TMEM44: variants seen among roughly 807,000 people sequenced by gnomAD.
The protein encoded by TMEM44 is transmembrane protein 44.
In TMEM44, 43 loss-of-function variants were observed where a neutral mutation model predicts 47.8. The observed-to-expected ratio is 0.90, with a 90% CI of 0.70 to 1.16. The LOEUF (loss-of-function observed/expected upper bound fraction) is 1.16. TMEM44 is among the 50% of genes most tolerant of loss of function. The pLI, the probability that TMEM44 is intolerant of heterozygous loss-of-function variation, is 0.00. For synonymous variants in TMEM44, 277 were observed against 238.8 expected (o/e 1.16, Z -1.48); for missense variants, 568 against 555.2 (o/e 1.02, Z -0.23).
chr3:194,590,913 G>C (rs1003870510), intron 9 of TMEM44, among the ~76,000 whole-genome samples: 1 of 152,188 alleles, frequency 6.6e-6, no homozygotes, highest in Admixed American at 6.5e-5. Context: ...ACTAGTACAG[G>C]CCGGGCACGG....
chr3:194,617,242 G>A lies in TMEM44; in HGVS notation c.640C>T (p.His214Tyr), dbSNP rs1459828625. 6.5e-7 allele frequency: 1 copy of A among 1,546,548 alleles called. No individual in the cohort carries two copies. Among genetic ancestry groups the A allele is most frequent in the Non-Finnish European group, 8.7e-7 (1 of 1,144,760 alleles). Residue 214 changes from histidine to tyrosine, a missense_variant, in exon 6 of 10, where the codon CAC becomes TAC. Transcript: ENST00000347147. The part of the protein sequence containing the change: ...ICRGKTFPSI[H>Y]LWTRLLSALA... Reference sequence around the variant, plus strand: ...GCCGACAGGAGCCGGGTCCACAGGTGGATGGAGGGAAATGTCTTCCCCCGG... The same window carrying A: ...GCCGACAGGAGCCGGGTCCACAGGTAGATGGAGGGAAATGTCTTCCCCCGG...
chr3:194,589,321 A>G (rs1461642913), intron 9 of TMEM44, among the ~76,000 whole-genome samples: 2 of 152,170 alleles, frequency 1.3e-5, no homozygotes, highest in African/African-American at 4.8e-5. Context: ...TTTATGGGCC[A>G]GGTAAATACC....
At position 194,617,107 on chromosome 3, in the gene TMEM44, C is replaced by A; in HGVS notation, c.775G>T (p.Asp259Tyr). ...FLTSLGRAAL[D>Y]LAIIFLSCVM... ...AGGCCTGGGGTGGATACAGCGAGGT[C>A]CAGTGCCGCACGGCCGAGGGAGGTC... is the stretch of plus-strand genomic sequence containing the variant. The change falls in exon 6 of 10, where the codon GAC becomes TAC. Residue 259 changes from aspartate (D) to tyrosine (Y), a missense_variant. By Grantham distance (160) the Asp-to-Tyr change is radical. Coordinates refer to ENST00000347147, the MANE Select transcript of TMEM44 (RefSeq NM_001011655.3). 1 of 1,541,680 alleles carries A rather than the reference C, an allele frequency of 6.5e-7. No homozygotes were observed. The highest frequency in any genetic ancestry group is 8.7e-7 in the Non-Finnish European group (1 of 1,143,608).
chr3:194,633,019 C>T, intron 1 of TMEM44, 60 bp downstream of exon 1: 1 of 1,516,838 alleles, frequency 6.6e-7, no homozygotes, highest in Non-Finnish European at 8.9e-7. Context: ...CGAGAGGGAG[C>T]AGCAGGGGAT....
chr3:194,632,941 A>C, intron 1 of TMEM44, 138 bp downstream of exon 1: 2 of 1,245,182 alleles, frequency 1.6e-6, no homozygotes, highest in East Asian at 5.8e-5. Context: ...CTACAGAGCA[A>C]TGTTCCATTG....
At chr3:194,616,681 GC>G (rs1715928702) in intron 6 of TMEM44, 1 of 425,752 alleles carries the variant, frequency 2.3e-6, no homozygotes, top group African/African-American at 2.1e-5. Flanking sequence ...ACACGCCACA[GC>G]CATTAACCAC....
chr3:194,623,771 C>T (rs563552768), intron 3 of TMEM44, 76 bp from the exon 4 acceptor site: 2 of 1,574,674 alleles, frequency 1.3e-6, no homozygotes, highest in Non-Finnish European at 1.7e-6. Context: ...GTGGGAAGAA[C>T]TGGTGTCAGC....
chr3:194,617,240 G>A lies in TMEM44; in HGVS notation c.642C>T (p.His214=). The part of the protein sequence containing the change: ...ICRGKTFPSI[H]LWTRLLSALA... ...GGGCCGACAGGAGCCGGGTCCACAG[G>A]TGGATGGAGGGAAATGTCTTCCCCC... Residue 214 remains histidine (H), a synonymous_variant, in exon 6 of 10, where the codon CAC becomes CAT. Coordinates refer to ENST00000347147, the MANE Select transcript of TMEM44 (RefSeq NM_001011655.3). The A allele has an allele frequency of 2.6e-6, 4 of 1,547,364 alleles. No homozygotes were observed. The highest frequency in any genetic ancestry group is 2.0e-5 in the Admixed American group (1 of 49,784).
intron 5 of TMEM44, chr3:194,617,607 GCTC>G (rs759308522): frequency 2.9e-6 from 2 of 700,784 alleles, no homozygotes; most frequent in Non-Finnish European, 5.2e-6. Context: ...CAGTCAGAGA[GCTC>G]CTGAGGGCTG....
Position 194,623,599 on chromosome 3 carries a change from C to G in TMEM44, c.455G>C (p.Trp152Ser). 1.2e-6 allele frequency: 2 copies of G among 1,612,156 alleles called. No homozygotes were observed. Among genetic ancestry groups the G allele is most frequent in the Non-Finnish European group, 1.7e-6 (2 of 1,179,664 alleles). The change falls in exon 4 of 10, where the codon TGG (tryptophan) becomes TCG (serine). Residue 152 changes from tryptophan (W) to serine (S), a missense_variant. By Grantham distance (177) the Trp-to-Ser change is radical. Coordinates refer to ENST00000347147, the MANE Select transcript of TMEM44 (RefSeq NM_001011655.3). Reference sequence around the variant, plus strand: ...GGCTGAAGCCTTCGGGACAGCAACCCACAGAGCCCAGCACGGGCCCAGGCT... The same window carrying G: ...GGCTGAAGCCTTCGGGACAGCAACCGACAGAGCCCAGCACGGGCCCAGGCT... ...PLSLGPCWAL[W>S]VAVPKASATI...
Position 194,626,005 on chromosome 3 carries a change from GAA to G in TMEM44, c.265-17_265-16del. On this transcript the variant is annotated splice_polypyrimidine_tract_variant and intron_variant, in intron 2 of 9. Transcript: ENST00000347147. ...CCAGTGAAAACCTGGGAGCAAACGGGAAGAGAGTCTTGGCATTCAAGCATCTT... is the reference window on the plus strand; with the variant it reads ...CCAGTGAAAACCTGGGAGCAAACGGGGAGAGTCTTGGCATTCAAGCATCTT... 6.3e-7 allele frequency: 1 copy of G among 1,593,742 alleles called. No homozygotes were observed. Among genetic ancestry groups the G allele is most frequent in the Non-Finnish European group, 8.6e-7 (1 of 1,161,848 alleles).
At chr3:194,612,381 C>T (rs888937485) in intron 7 of TMEM44, among the ~76,000 whole-genome samples, 1 of 152,184 alleles carries the variant, frequency 6.6e-6, no homozygotes, top group Non-Finnish European at 1.5e-5. Flanking sequence ...ATAAAAAATG[C>T]TTTCCTCTGC....
At position 194,621,461 on chromosome 3, in the gene TMEM44, T is replaced by C. The variant is rs903061218; in HGVS notation, c.612+1763A>G. On this transcript the variant is annotated intron_variant, in intron 5 of 9. Coordinates refer to ENST00000347147, the MANE Select transcript of TMEM44 (RefSeq NM_001011655.3). ...AGCTTCTTCAAAGGCCTTCATGCAA[T>C]GTGGTCTCCCAGCTCTGACACCACC... Among the ~76,000 whole-genome samples the C allele has an allele frequency of 3.9e-5, 6 of 152,154 alleles. No individual in the cohort carries two copies. The East Asian group carries it at 1.2e-3, about 29-fold the overall frequency.
chr3:194,620,206 G>A (rs1362461934), intron 5 of TMEM44, among the ~76,000 whole-genome samples: 1 of 148,950 alleles, frequency 6.7e-6, no homozygotes, highest in Non-Finnish European at 1.5e-5. Context: ...CAGAAGAATC[G>A]CTTGAACCCA....
In TMEM44 at chr3:194,593,193, T is replaced by C. The variant is rs547152741; in HGVS notation, c.1177-4554A>G. The C allele has an allele frequency of 2.4e-4, 236 of 1,004,200 alleles. 4 individuals are homozygous for C. The South Asian group carries it at 3.0e-3, about 13-fold the overall frequency. 62.2% of individuals were successfully genotyped at this position (1,004,200 alleles called of 1,614,324 possible). A position where few individuals can be genotyped will look rare whatever the true frequency, so the allele number is the denominator to read the frequency against. ...GTGAGCCAGGAGACAGGCCCTTAGA[T>C]GGTTGGGGGCAAAGGAACAGGTGAC... On this transcript the variant is annotated intron_variant, in intron 9 of 9. Coordinates refer to ENST00000347147, the MANE Select transcript of TMEM44 (RefSeq NM_001011655.3).
chr3:194,628,771 C>T (rs899432049), intron 1 of TMEM44, among the ~76,000 whole-genome samples: 4 of 152,092 alleles, frequency 2.6e-5, no homozygotes, highest in South Asian at 2.1e-4. Flanking sequence ...TTTTACTTTC[C>T]GACTCCAAAT....
intron 2 of TMEM44, among the ~76,000 whole-genome samples, chr3:194,626,316 G>A (rs1717175524): frequency 6.6e-6 from 1 of 152,216 alleles, no homozygotes; most frequent in African/African-American, 2.4e-5. Context: ...GGCCCACTGA[G>A]CTTCTCTGGC....
At chr3:194,620,157 G>A (rs1397392187) in intron 5 of TMEM44, among the ~76,000 whole-genome samples, 3 of 151,958 alleles carry the variant, frequency 2.0e-5, no homozygotes, top group African/African-American at 4.8e-5. Context: ...TGGGCGTGGT[G>A]GTGCATGCCT....
chr3:194,629,509 A>G (rs1468749966), intron 1 of TMEM44, among the ~76,000 whole-genome samples: 2 of 150,922 alleles, frequency 1.3e-5, no homozygotes, highest in African/African-American at 2.4e-5. Context: ...GTTGTTGTAC[A>G]TGCCTCCCGA....
Sources: allele counts gnomAD v4.1 joint callset (sites outside exome capture counted in the v4.1 genomes callset), GRCh38; gene constraint gnomAD v4.1.1; transcripts MANE v1.5; gene names NCBI Gene and HGNC (gene_info 2026-07-23, HGNC 2026-07-21).